CACNG8: variants seen among roughly 807,000 people sequenced by gnomAD.
CACNG8 encodes calcium voltage-gated channel auxiliary subunit gamma 8.
CACNG8 carries 5 observed loss-of-function variants against 26.9 expected under a neutral mutation model. That is an observed-to-expected ratio of 0.19 (90% confidence interval 0.10 to 0.39). The LOEUF (loss-of-function observed/expected upper bound fraction) is 0.39, where lower values mean the gene tolerates loss of function less well. Ranked by LOEUF, CACNG8 falls within the 10% of genes least tolerant of loss-of-function variation. The pLI is 1.00. For missense variants in CACNG8, 473 were observed against 609.4 expected, an observed-to-expected ratio of 0.78 and a Z score of 2.36; for synonymous variants, 321 against 296.7, an observed-to-expected ratio of 1.08 and a Z score of -0.84.
At position 53,988,604 on chromosome 19, in the gene CACNG8, A is replaced by C. The variant is rs927725839; in HGVS notation, c.*5755A>C. ...GACAGAGCAAGACTCTGTCTCAAAA[A>C]AGAAAAAAGGTAAAAAAAAAAAAAA... On this transcript the variant is annotated 3_prime_UTR_variant, in exon 4 of 4. Coordinates refer to ENST00000270458, the MANE Select transcript of CACNG8 (RefSeq NM_031895.6). 7.4e-6 allele frequency: 1 copy of C among 134,238 alleles called. No individual in the cohort carries two copies. Among genetic ancestry groups the C allele is most frequent in the Non-Finnish European group, 1.6e-5 (1 of 61,944 alleles). 8.3% of individuals were successfully genotyped at this position (134,238 alleles called of 1,614,324 possible).
In CACNG8 at chr19:53,963,159, G is replaced by T. The variant is rs2069252675; in HGVS notation, c.17G>T (p.Arg6Leu). The change falls in exon 1 of 4, where the codon CGC (arginine) becomes CTC (leucine). Residue 6 changes from arginine (R) to leucine (L), a missense_variant. Physicochemically the swap from Arg to Leu is moderately radical, Grantham distance 102. Transcript: ENST00000270458. ...GTGGTCAAACTGGAGTCGCTGAAGCGCTGGAACGAAGAGCGGGGCCTCTGG... is the reference window on the plus strand; with the variant it reads ...GTGGTCAAACTGGAGTCGCTGAAGCTCTGGAACGAAGAGCGGGGCCTCTGG... 2 of 1,541,066 alleles carry T rather than the reference G, an allele frequency of 1.3e-6. No homozygotes were observed. Among genetic ancestry groups the T allele is most frequent in the Non-Finnish European group, 1.7e-6 (2 of 1,145,676 alleles).
chr19:53,980,082 G>T, intron 3 of CACNG8, 75 bp downstream of exon 3: 1 of 1,358,388 alleles, frequency 7.4e-7, no homozygotes, highest in South Asian at 1.5e-5. Context: ...GTGTGTGTGT[G>T]TGTGCGCGCG....
intron 1 of CACNG8, among the ~76,000 whole-genome samples, chr19:53,972,162 T>C (rs770855615): frequency 4.6e-5 from 7 of 151,818 alleles, no homozygotes; most frequent in Non-Finnish European, 5.9e-5. Flanking sequence ...GCTGGGCTAC[T>C]TTTTGTATTT....
chr19:53,974,517 T>C (rs1221126228), intron 1 of CACNG8, among the ~76,000 whole-genome samples: 3 of 152,222 alleles, frequency 2.0e-5, no homozygotes, highest in Non-Finnish European at 4.4e-5. Flanking sequence ...TTTGTAGTTT[T>C]TGAGGAACCT....
intron 2 of CACNG8, 136 bp from the exon 3 acceptor site, chr19:53,979,731 C>T: frequency 3.4e-6 from 3 of 883,104 alleles, no homozygotes; most frequent in Non-Finnish European, 4.8e-6. Context: ...GTAAAATAAA[C>T]CAGAACACAG....
Position 53,982,801 on chromosome 19 carries a change from C to T in CACNG8, c.1230C>T (p.Ala410=). 2.2e-6 allele frequency: 3 copies of T among 1,371,064 alleles called. No individual in the cohort carries two copies. The highest frequency in any genetic ancestry group is 1.5e-5 in the South Asian group (1 of 67,770). 84.9% of individuals were successfully genotyped at this position (1,371,064 alleles called of 1,614,324 possible). ...CCCCCGGGACCCTGGCCAAGGAGGC[C>T]GCCGCCTCCAACACCAACACGCTCA... The change falls in exon 4 of 4, where the codon GCC becomes GCT. Residue 410 remains alanine (A), a synonymous_variant. Transcript: ENST00000270458. This position sits in a 1 kb window ranked among gnomAD's most constrained non-coding sequence, Gnocchi z 8.4.
intron 1 of CACNG8, among the ~76,000 whole-genome samples, chr19:53,970,125 G>C (rs1172576437): frequency 1.3e-5 from 2 of 151,988 alleles, no homozygotes; most frequent in African/African-American, 4.8e-5. Context: ...GACCATCCTG[G>C]CTAACACGGT....
chr19:53,978,565 G>C (rs931054544), intron 2 of CACNG8, among the ~76,000 whole-genome samples: 2 of 152,024 alleles, frequency 1.3e-5, no homozygotes, highest in African/African-American at 4.8e-5. Flanking sequence ...CCGCAGAGCT[G>C]TGGGGCAATC....
At chr19:53,968,486 A>G (rs1461538778) in intron 1 of CACNG8, among the ~76,000 whole-genome samples, 2 of 151,384 alleles carry the variant, frequency 1.3e-5, no homozygotes, top group African/African-American at 4.9e-5. Context: ...TGTGAGGGAG[A>G]TGGCCGGGCG....
Position 53,963,345 on chromosome 19 carries a change from G to A in CACNG8, c.203G>A (p.Arg68His). The A allele has an allele frequency of 6.3e-7, 1 of 1,594,190 alleles. No homozygotes were observed. ...GGCGGCGACGACGGGACCCCCCACCGCGGGGGCGGCGGCGCCTCGGAGAAG... is the reference window on the plus strand; with the variant it reads ...GGCGGCGACGACGGGACCCCCCACCACGGGGGCGGCGGCGCCTCGGAGAAG... Residue 68 changes from arginine to histidine, a missense_variant, in exon 1 of 4, where the codon CGC becomes CAC. Arg to His is a conservative substitution (Grantham distance 29). Transcript: ENST00000270458.
At chr19:53,969,435 T>G (rs1430460035) in intron 1 of CACNG8, among the ~76,000 whole-genome samples, 2 of 151,912 alleles carry the variant, frequency 1.3e-5, no homozygotes, top group East Asian at 3.9e-4. Context: ...ACTTTTTTTT[T>G]TTTTTTTAGA....
Position 53,975,934 on chromosome 19 carries a change from T to C in CACNG8, c.284-2212T>C, listed in dbSNP as rs574306096. Among the ~76,000 whole-genome samples, 3 of 152,308 alleles carry C rather than the reference T, an allele frequency of 2.0e-5. No homozygotes were observed. The East Asian group carries it at 5.8e-4, about 29-fold the overall frequency. ...TGTGTTCAAGGCCAAGTGCTAAATCTCCACCTAGACCCAATCCCTCATATC... is the reference window on the plus strand; with the variant it reads ...TGTGTTCAAGGCCAAGTGCTAAATCCCCACCTAGACCCAATCCCTCATATC... On this transcript the variant is annotated intron_variant, in intron 1 of 3. Coordinates refer to ENST00000270458, the MANE Select transcript of CACNG8 (RefSeq NM_031895.6).
At chr19:53,966,307 C>T (rs372842277) in intron 1 of CACNG8, among the ~76,000 whole-genome samples, 3 of 152,100 alleles carry the variant, frequency 2.0e-5, no homozygotes, top group East Asian at 3.9e-4. Context: ...AGGCTGGTCT[C>T]GAACTTCTGA....
chr19:53,978,344 G>A (rs967508435), intron 2 of CACNG8, 115 bp downstream of exon 2: 4 of 737,324 alleles, frequency 5.4e-6, no homozygotes, highest in Middle Eastern at 2.7e-4. Flanking sequence ...TCGACACGCC[G>A]AGGTTAGCCT....
chr19:53,973,699 C>T (rs549016405), intron 1 of CACNG8, among the ~76,000 whole-genome samples: 23 of 151,600 alleles, frequency 1.5e-4, no homozygotes, highest in African/African-American at 4.4e-4. Flanking sequence ...TGGTGGCACA[C>T]GCCTGTAATC....
chr19:53,971,553 C>A (rs1248862343), intron 1 of CACNG8, among the ~76,000 whole-genome samples: 4 of 152,206 alleles, frequency 2.6e-5, no homozygotes, highest in Non-Finnish European at 5.9e-5. Context: ...ATGGGACAGC[C>A]CAGCTTGTGC....
chr19:53,969,455 C>T (rs2069289766), intron 1 of CACNG8, among the ~76,000 whole-genome samples: 1 of 149,556 alleles, frequency 6.7e-6, no homozygotes, highest in Non-Finnish European at 1.5e-5. Flanking sequence ...AGATGGGTCT[C>T]ACCACATTGC....
rs1353879924 is a variant in CACNG8 at position 53,982,313 on chromosome 19, G to T, written c.742G>T (p.Gly248Cys). 6.3e-7 allele frequency: 1 copy of T among 1,596,532 alleles called. No individual in the cohort carries two copies. Among genetic ancestry groups the T allele is most frequent in the Middle Eastern group, 1.7e-4 (1 of 5,848 alleles). Residue 248 changes from glycine (G) to cysteine (C), a missense_variant, in exon 4 of 4, where the codon GGC becomes TGC. Around this residue, in one of 6 missense-constraint regions of CACNG8, gnomAD observed 155 missense variants for 253.0 expected, o/e 0.61. Transcript: ENST00000270458. The surrounding 1 kb of genome is among the most constrained non-coding windows in gnomAD (Gnocchi z 8.4). Reference sequence around the variant, plus strand: ...CTCGGACCTGCTCAAGGCCGGCGGGGGCGCGGGCGGCAGTGGCGGGAGCGG... The same window carrying T: ...CTCGGACCTGCTCAAGGCCGGCGGGTGCGCGGGCGGCAGTGGCGGGAGCGG...
chr19:53,979,998 G>A lies in CACNG8; in HGVS notation c.499G>A (p.Val167Met). ...CATTCTGGGCGCAGGGATCCTGTTC[G>A]TGGCAGCAGGTGAGAGGCAGAGGGA... The change falls in exon 3 of 4, where the codon GTG becomes ATG. Residue 167 changes from valine to methionine, a missense_variant. Physicochemically the swap from Val to Met is conservative, Grantham distance 21. Coordinates refer to ENST00000270458, the MANE Select transcript of CACNG8 (RefSeq NM_031895.6). 1 of 1,608,424 alleles carries A rather than the reference G, an allele frequency of 6.2e-7. No homozygotes were observed.
Sources: gnomAD v4.1 joint callset for allele counts (sites outside exome capture counted in the v4.1 genomes callset) on GRCh38, gnomAD v4.1.1 for gene constraint, gnomAD v4.1.1 regional missense constraint, Gnocchi (gnomAD v3.1) non-coding constraint, MANE v1.5 for transcripts, NCBI Gene and HGNC (gene_info 2026-07-23, HGNC 2026-07-21) for gene names.